The following NRG3 variants were observed in gnomAD, a reference collection of about 807,000 sequenced individuals.
NRG3 encodes the protein pro-neuregulin-3, membrane-bound isoform.
In NRG3, 31 loss-of-function variants were observed where a neutral mutation model predicts 66.9. The ratio of observed to expected loss-of-function variants is 0.46; its 90% CI spans 0.35 to 0.63. The LOEUF (loss-of-function observed/expected upper bound fraction) is 0.63. Among genes scored for constraint, NRG3 ranks in the 20% least tolerant of loss-of-function variants. The pLI is 0.00. For synonymous variants in NRG3, 393 were observed against 359.4 expected, an observed-to-expected ratio of 1.09 and a Z score of -1.06; for missense variants, 910 against 878.9, an observed-to-expected ratio of 1.04 and a Z score of -0.45.
At chr10:82,929,611 C>T (rs1265027849) in intron 4 of NRG3, among the ~76,000 whole-genome samples, 1 of 152,054 alleles carries the variant, frequency 6.6e-6, no homozygotes, top group Admixed American at 6.6e-5. Flanking sequence ...CAGAAATGTG[C>T]AGTGGCTCAC....
chr10:82,820,826 G>C (rs111932501), intron 3 of NRG3, among the ~76,000 whole-genome samples: 2,639 of 152,258 alleles, frequency 0.017, 34 homozygotes, highest in Middle Eastern at 0.041. Flanking sequence ...TAAATAAAAG[G>C]TGACCCTTCT....
intron 1 of NRG3, among the ~76,000 whole-genome samples, chr10:81,954,043 T>C (rs1358419430): frequency 1.3e-5 from 2 of 152,214 alleles, no homozygotes; most frequent in Non-Finnish European, 2.9e-5. Context: ...ATTTGCTTTA[T>C]CTTTTATATC....
At chr10:82,565,481 G>A (rs2045338395) in intron 2 of NRG3, among the ~76,000 whole-genome samples, 2 of 152,060 alleles carry the variant, frequency 1.3e-5, no homozygotes, top group African/African-American at 4.8e-5. Context: ...TAACAGCCTT[G>A]ACTTTCATCC....
intron 2 of NRG3, among the ~76,000 whole-genome samples, chr10:82,552,370 C>T (rs951879137): frequency 6.6e-6 from 1 of 151,998 alleles, no homozygotes; most frequent in Admixed American, 6.6e-5. Flanking sequence ...TGGATTTAAA[C>T]TTACTTATTT....
intron 1 of NRG3, among the ~76,000 whole-genome samples, chr10:82,112,416 A>T (rs995323271): frequency 1.1e-4 from 16 of 152,110 alleles, no homozygotes; most frequent in African/African-American, 3.9e-4. Context: ...AACAGGCCTC[A>T]TAGGAATCAA....
chr10:82,577,037 T>G (rs2046072007), intron 2 of NRG3, among the ~76,000 whole-genome samples: 2 of 151,814 alleles, frequency 1.3e-5, no homozygotes. Context: ...ATTATTTTGT[T>G]CCTCTAATTT....
intron 2 of NRG3, among the ~76,000 whole-genome samples, chr10:82,544,824 A>G (rs1365376377): frequency 6.6e-6 from 1 of 152,242 alleles, no homozygotes; most frequent in East Asian, 1.9e-4. Flanking sequence ...TTAGTAAGGC[A>G]TGCATATATA....
chr10:82,572,480 G>C (rs371799938), intron 2 of NRG3, among the ~76,000 whole-genome samples: 51 of 151,692 alleles, frequency 3.4e-4, no homozygotes, highest in Non-Finnish European at 6.2e-4. Context: ...CAGGCCCTTT[G>C]CAGTAATAGT....
At chr10:81,979,352 C>T (rs2054091951) in intron 1 of NRG3, among the ~76,000 whole-genome samples, 1 of 152,056 alleles carries the variant, frequency 6.6e-6, no homozygotes, top group Admixed American at 6.6e-5. Flanking sequence ...AAAGGAAATT[C>T]TAAAATCTTG....
At chr10:82,978,891 G>T in intron 7 of NRG3, 59 bp from the exon 8 acceptor site, 1 of 1,554,484 alleles carries the variant, frequency 6.4e-7, no homozygotes. Context: ...CCACCTGTGA[G>T]GTTATTGCTA....
chr10:82,714,718 C>G (rs1347086450), intron 2 of NRG3, among the ~76,000 whole-genome samples: 2 of 152,094 alleles, frequency 1.3e-5, no homozygotes, highest in African/African-American at 4.8e-5. Flanking sequence ...AGTGGTATAT[C>G]AGAGGAAATA....
At chr10:81,913,313 G>A (rs561042661) in intron 1 of NRG3, among the ~76,000 whole-genome samples, 4 of 152,104 alleles carry the variant, frequency 2.6e-5, no homozygotes, top group East Asian at 3.9e-4. Flanking sequence ...ATTGACCAGC[G>A]TCCTCATGCA....
At chr10:82,942,606 G>A (rs1307729230) in intron 4 of NRG3, among the ~76,000 whole-genome samples, 1 of 152,214 alleles carries the variant, frequency 6.6e-6, no homozygotes, top group Non-Finnish European at 1.5e-5. Flanking sequence ...CCCAGCATTA[G>A]AACAGTGGAG....
chr10:81,971,534 T>C (rs1292775766), intron 1 of NRG3, among the ~76,000 whole-genome samples: 1 of 152,228 alleles, frequency 6.6e-6, no homozygotes, highest in Non-Finnish European at 1.5e-5. Flanking sequence ...AGAGACCTTC[T>C]GAATGAGACA....
intron 1 of NRG3, among the ~76,000 whole-genome samples, chr10:82,295,554 C>T (rs2080014171): frequency 6.6e-6 from 1 of 152,020 alleles, no homozygotes; most frequent in Admixed American, 6.6e-5. Context: ...TCTTCCATAC[C>T]GCTGGAGCTG....
chr10:82,235,985 C>G lies in NRG3; in HGVS notation c.824-122754C>G, dbSNP rs1024685787. On this transcript the variant is annotated intron_variant, in intron 1 of 8. Coordinates refer to ENST00000372141, the MANE Select transcript of NRG3 (RefSeq NM_001010848.4). ...TCCCTGCCACACACACACATAGACA[C>G]GCACACACACACAGACACAGACACA... 3.4e-4 allele frequency among the ~76,000 whole-genome samples: 51 copies of G among 151,856 alleles called. 2 individuals carry two copies.
At chr10:82,333,250 G>A (rs1045804331) in intron 1 of NRG3, among the ~76,000 whole-genome samples, 5 of 152,316 alleles carry the variant, frequency 3.3e-5, no homozygotes, top group East Asian at 1.9e-4. Context: ...CCAGTGGGCT[G>A]CAGGAATGGC....
At chr10:82,861,015 C>G (rs1234680966) in intron 3 of NRG3, among the ~76,000 whole-genome samples, 1 of 152,104 alleles carries the variant, frequency 6.6e-6, no homozygotes, top group East Asian at 1.9e-4. Context: ...AAATTAATTG[C>G]TTTTTTGTCA....
intron 1 of NRG3, among the ~76,000 whole-genome samples, chr10:81,985,716 A>G (rs957593198): frequency 6.6e-6 from 1 of 152,320 alleles, no homozygotes; most frequent in South Asian, 2.1e-4. Flanking sequence ...CCAAGTTTTA[A>G]GTGTGTGAAT....
Sources: gnomAD v4.1 joint callset for allele counts (sites outside exome capture counted in the v4.1 genomes callset) on GRCh38, gnomAD v4.1.1 for gene constraint, MANE v1.5 for transcripts, NCBI Gene and HGNC (gene_info 2026-07-23, HGNC 2026-07-21) for gene names.